The following DDX19A variants were observed in gnomAD, a reference collection of about 807,000 sequenced individuals.
The protein encoded by DDX19A is ATP-dependent RNA helicase DDX19A.
Under a neutral mutation model 60.6 loss-of-function variants are expected in DDX19A, and 12 were observed. The observed-to-expected ratio is 0.20, with a 90% CI of 0.13 to 0.32. The LOEUF (loss-of-function observed/expected upper bound fraction) is 0.32. Ranked by LOEUF, DDX19A falls within the 10% of genes least tolerant of loss-of-function variation. The pLI, the probability that DDX19A is intolerant of heterozygous loss-of-function variation, is 1.00. For missense variants in DDX19A, 337 were observed against 600.6 expected (o/e 0.56, Z 4.59); for synonymous variants, 206 against 218.2 (o/e 0.94, Z 0.49).
intron 1 of DDX19A, among the ~76,000 whole-genome samples, chr16:70,350,135 C>A (rs552022232): frequency 6.6e-6 from 1 of 152,204 alleles, no homozygotes; most frequent in African/African-American, 2.4e-5. Flanking sequence ...CACCTGTGTT[C>A]CCAGCTACTA....
At chr16:70,350,446 C>A in intron 1 of DDX19A, 111 bp from the exon 2 acceptor site, 2 of 667,222 alleles carry the variant, frequency 3.0e-6, no homozygotes, top group Non-Finnish European at 5.0e-6. Context: ...TCCCTGAATA[C>A]TGGTGCTGAA....
Position 70,372,244 on chromosome 16 carries a change from AATC to A in DDX19A, c.*259_*261del. The A allele has an allele frequency of 3.4e-6, 2 of 586,496 alleles. No homozygotes were observed. Among genetic ancestry groups the A allele is most frequent in the Non-Finnish European group, 6.0e-6 (2 of 333,758 alleles). 36.3% of individuals were successfully genotyped at this position (586,496 alleles called of 1,614,324 possible). A position where few individuals can be genotyped will look rare whatever the true frequency, so the allele number is the denominator to read the frequency against. ...AGCCACATTCCCCCATCTTTATAAT[AATC>A]TGGTCACAGTGGTAGTCGCTGGCCC... is the stretch of plus-strand genomic sequence containing the variant. On this transcript the variant is annotated 3_prime_UTR_variant, in exon 12 of 12. Transcript: ENST00000302243.
chr16:70,370,511 T>C (rs762813917), intron 10 of DDX19A, 126 bp downstream of exon 10: 6 of 1,387,242 alleles, frequency 4.3e-6, no homozygotes, highest in African/African-American at 1.4e-5. Flanking sequence ...GGTGACACTA[T>C]TCCTTTCTAG....
intron 2 of DDX19A, among the ~76,000 whole-genome samples, chr16:70,350,907 T>C (rs1963992341): frequency 1.3e-5 from 2 of 151,628 alleles, no homozygotes; most frequent in African/African-American, 4.8e-5. Flanking sequence ...AGACGGAGTC[T>C]CGCTCTGTCG....
intron 3 of DDX19A, chr16:70,355,798 CAA>C: frequency 1.7e-6 from 1 of 572,366 alleles, no homozygotes; most frequent in Non-Finnish European, 3.1e-6. Context: ...CCCATCTCTA[CAA>C]AAGATTTCAA....
At chr16:70,347,198 A>T in intron 1 of DDX19A, 150 bp downstream of exon 1, 1 of 729,944 alleles carries the variant, frequency 1.4e-6, no homozygotes, top group Non-Finnish European at 2.3e-6. Context: ...ATTTGCTCTT[A>T]GAGCTAAAGA....
chr16:70,364,982 T>C, intron 6 of DDX19A, 35 bp from the exon 7 acceptor site: 1 of 1,563,764 alleles, frequency 6.4e-7, no homozygotes, highest in Non-Finnish European at 8.8e-7. Flanking sequence ...ACCAAATGGC[T>C]CTCCTAAACT....
chr16:70,348,033 G>T, intron 1 of DDX19A: 1 of 440,860 alleles, frequency 2.3e-6, no homozygotes, highest in South Asian at 1.6e-5. Flanking sequence ...ATTAGACAAG[G>T]CTGGCAAGGA....
intron 2 of DDX19A, among the ~76,000 whole-genome samples, chr16:70,351,095 G>C (rs1468242925): frequency 6.6e-6 from 1 of 151,438 alleles, no homozygotes; most frequent in Non-Finnish European, 1.5e-5. Context: ...TGTTAGCCAG[G>C]ATGGTCTTGA....
In DDX19A at chr16:70,371,413, C is replaced by A. The variant is rs1964683785; in HGVS notation, c.1225C>A (p.Leu409Ile). 3.1e-6 allele frequency: 5 copies of A among 1,613,556 alleles called. No individual in the cohort carries two copies. In the East Asian group the frequency reaches 1.1e-4, roughly 36 times the overall value. ...AGTGTCTGTCGTCATCAACTTTGAT[C>A]TTCCCGTGGACAAGGACGGGAATCC... is the stretch of plus-strand genomic sequence containing the variant. ...EQVSVVINFD[L>I]PVDKDGNPDN... Residue 409 changes from leucine to isoleucine, a missense_variant, in exon 11 of 12, where the codon CTT (leucine) becomes ATT (isoleucine). Transcript: ENST00000302243.
At chr16:70,370,118 G>T in intron 9 of DDX19A, 105 bp from the exon 10 acceptor site, 1 of 1,441,546 alleles carries the variant, frequency 6.9e-7, no homozygotes, top group Non-Finnish European at 9.2e-7. Context: ...AATGACTTGA[G>T]CCCAGGACTT....
intron 2 of DDX19A, among the ~76,000 whole-genome samples, chr16:70,352,148 G>A (rs575827661): frequency 4.6e-5 from 7 of 152,224 alleles, no homozygotes; most frequent in Admixed American, 1.3e-4. Flanking sequence ...TTTATGCAAA[G>A]CAAATATAAG....
At chr16:70,362,348 A>G (rs1041397799) in intron 5 of DDX19A, among the ~76,000 whole-genome samples, 2 of 151,774 alleles carry the variant, frequency 1.3e-5, no homozygotes, top group Non-Finnish European at 2.9e-5. Context: ...CTCAAAAAAA[A>G]AAAAAAAAAA....
chr16:70,363,340 T>TGTTTGTTC (rs1964425101), intron 5 of DDX19A: 1 of 29,496 alleles, frequency 3.4e-5, no homozygotes, highest in Admixed American at 2.5e-4. Context: ...TTTTTTTGTC[T>TGTTTGTTC]GTTCGTTTGT....
chr16:70,366,457 A>C (rs1461920592), intron 8 of DDX19A, 167 bp from the exon 9 acceptor site: 5 of 1,215,260 alleles, frequency 4.1e-6, no homozygotes, highest in Admixed American at 4.8e-5. Flanking sequence ...AGACCTAGGG[A>C]CTCTTCCCCA....
At chr16:70,350,474 T>A (rs989391638) in intron 1 of DDX19A, 83 bp from the exon 2 acceptor site, 4 of 1,041,038 alleles carry the variant, frequency 3.8e-6, no homozygotes, top group Non-Finnish European at 5.7e-6. Flanking sequence ...CACTAGACTT[T>A]TACTAGAAAG....
intron 2 of DDX19A, among the ~76,000 whole-genome samples, chr16:70,351,035 C>T (rs188402046): frequency 2.4e-4 from 36 of 149,880 alleles, no homozygotes; most frequent in Admixed American, 1.0e-3. Flanking sequence ...CTTGCCACCA[C>T]GCGCTAGTTT....
At chr16:70,357,362 G>GTTTTTTTTTT (rs1248365917) in intron 4 of DDX19A, among the ~76,000 whole-genome samples, 6 of 48,876 alleles carry the variant, frequency 1.2e-4, no homozygotes, top group East Asian at 6.7e-4. Flanking sequence ...TCTGTTTTTG[G>GTTTTTTTTTT]TTTGTTTTTT....
chr16:70,371,872 T>G (rs370597512), intron 11 of DDX19A, 53 bp from the exon 12 acceptor site: 3 of 1,613,656 alleles, frequency 1.9e-6, no homozygotes, highest in African/African-American at 2.7e-5. Context: ...TGCTGTGGCC[T>G]GAGGTGGGGC....
Sources: allele counts gnomAD v4.1 joint callset (sites outside exome capture counted in the v4.1 genomes callset), GRCh38; gene constraint gnomAD v4.1.1; transcripts MANE v1.5; gene names NCBI Gene and HGNC (gene_info 2026-07-23, HGNC 2026-07-21).